GSX2: variants seen among roughly 807,000 people sequenced by gnomAD.
GSX2 encodes the protein genetic-screened homeobox 2.
A neutral mutation model predicts 19.2 loss-of-function variants in GSX2; 16 were observed. That is an observed-to-expected ratio of 0.84 (90% CI 0.57 to 1.27). GSX2 has a LOEUF of 1.27. GSX2 is among the 50% of genes most tolerant of loss of function. GSX2 has a pLI of 0.00. For synonymous variants in GSX2, 217 were observed against 196.4 expected (o/e 1.10, Z -0.88); for missense variants, 448 against 428.4 (o/e 1.05, Z -0.40).
In GSX2 at chr4:54,100,925, C is replaced by A. The variant is rs1718162394; in HGVS notation, c.574+7C>A. On this transcript the variant is annotated splice_region_variant and intron_variant, in intron 1 of 1. Transcript: ENST00000326902. Reference sequence around the variant, plus strand: ...TTCCACTGCCTCACCATGGGTAGGGCGGGGTCTTGGGGCACCTGCGCTCCG... The same window carrying A: ...TTCCACTGCCTCACCATGGGTAGGGAGGGGTCTTGGGGCACCTGCGCTCCG... The A allele has an allele frequency of 1.6e-5, 25 of 1,554,116 alleles. No homozygotes were observed. The highest frequency in any genetic ancestry group is 2.1e-5 in the Non-Finnish European group (24 of 1,157,612).
chr4:54,100,290 G>C lies in GSX2; in HGVS notation c.-55G>C, dbSNP rs1718134001. ...TCCCAGGGCAGAGCTTAGAACACTAGAGGAGAGGGGTCGCCGCGAACTGCC... is the reference window on the plus strand; with the variant it reads ...TCCCAGGGCAGAGCTTAGAACACTACAGGAGAGGGGTCGCCGCGAACTGCC... On this transcript the variant is annotated 5_prime_UTR_variant, in exon 1 of 2. Transcript: ENST00000326902. 1 of 1,598,946 alleles carries C rather than the reference G, an allele frequency of 6.3e-7. No homozygotes were observed. Among genetic ancestry groups the C allele is most frequent in the Non-Finnish European group, 8.5e-7 (1 of 1,176,240 alleles).
Position 54,100,529 on chromosome 4 carries a change from C to T in GSX2, c.185C>T (p.Pro62Leu). The change falls in exon 1 of 2, where the codon CCT becomes CTT. Residue 62 changes from proline (P) to leucine (L), a missense_variant. Coordinates refer to ENST00000326902, the MANE Select transcript of GSX2 (RefSeq NM_133267.3). ...SRKSGAFCVC[P>L]LCVTSHLHSS... ...AAGAGCGGCGCGTTCTGCGTGTGCC[C>T]TCTCTGCGTCACTTCGCACCTGCAC... is the stretch of plus-strand genomic sequence containing the variant. 6.2e-7 allele frequency: 1 copy of T among 1,612,192 alleles called. No homozygotes were observed. The highest frequency in any genetic ancestry group is 8.5e-7 in the Non-Finnish European group (1 of 1,179,582).
chr4:54,100,770 G>GC lies in GSX2; in HGVS notation c.427dup (p.Gln143ProfsTer53). 6.6e-7 allele frequency: 1 copy of GC among 1,506,732 alleles called. No homozygotes were observed. The highest frequency in any genetic ancestry group is 8.8e-7 in the Non-Finnish European group (1 of 1,131,810). 93.3% of individuals were successfully genotyped at this position (1,506,732 alleles called of 1,614,324 possible). A position where few individuals can be genotyped will look rare whatever the true frequency, so the allele number is the denominator to read the frequency against. ...ACCACCATCACCATCATCAGCCCCA[G>GC]CAGCCTGGCTCGGCCGCGGCGGCGG... On this transcript the variant is annotated frameshift_variant, in exon 1 of 2. Transcript: ENST00000326902. LOFTEE classifies it high-confidence loss of function.
chr4:54,101,309 T>C lies in GSX2; in HGVS notation c.575-273T>C, dbSNP rs1429728985. Among the ~76,000 whole-genome samples, 1 of 152,218 alleles carries C rather than the reference T, an allele frequency of 6.6e-6. No homozygotes were observed. Among genetic ancestry groups the C allele is most frequent in the African/African-American group, 2.4e-5 (1 of 41,460 alleles). On this transcript the variant is annotated intron_variant, in intron 1 of 1. Transcript: ENST00000326902. This position sits in a 1 kb window ranked among gnomAD's most constrained non-coding sequence, Gnocchi z 5.0. The stretch of plus-strand genomic sequence containing the variant: ...GTTTTTGGCTAAGCCTGCGCGCTTC[T>C]CCGCTTGGCTCAAAGGGAGGCGATC...
At position 54,100,879 on chromosome 4, in the gene GSX2, A is replaced by G; in HGVS notation, c.535A>G (p.Asn179Asp). Residue 179 changes from asparagine to aspartate, a missense_variant, in exon 1 of 2, where the codon AAC (asparagine) becomes GAC (aspartate). Physicochemically the swap from Asn to Asp is conservative, Grantham distance 23 (BLOSUM62 1). Transcript: ENST00000326902. ...ACCTGTCTGCACCGCCACCACCTAC[A>G]ACGTGGCGGACCCGCGGAGATTCCA... ...HAPVCTATTY[N>D]VADPRRFHCL... The G allele has an allele frequency of 6.4e-7, 1 of 1,573,390 alleles. No homozygotes were observed. Among genetic ancestry groups the G allele is most frequent in the Non-Finnish European group, 8.6e-7 (1 of 1,167,028 alleles).
chr4:54,100,975 C>G, intron 1 of GSX2, 57 bp downstream of exon 1: 1 of 1,452,162 alleles, frequency 6.9e-7, no homozygotes, highest in Non-Finnish European at 9.2e-7. Flanking sequence ...CTGGAGCAAA[C>G]TTTCCACCTC....
chr4:54,100,277 G>T lies in GSX2; in HGVS notation c.-68G>T. 1.3e-6 allele frequency: 2 copies of T among 1,587,850 alleles called. No individual in the cohort carries two copies. The highest frequency in any genetic ancestry group is 1.3e-5 in the African/African-American group (1 of 74,652). ...GTGTCTGCGCGGCTCCCAGGGCAGA[G>T]CTTAGAACACTAGAGGAGAGGGGTC... is the stretch of plus-strand genomic sequence containing the variant. On this transcript the variant is annotated 5_prime_UTR_variant, in exon 1 of 2. Transcript: ENST00000326902.
rs1718158891 is a variant in GSX2 at position 54,100,809 on chromosome 4, G to GGCGGCGGCGGCC, written c.474_485dup (p.Ala159_Ala162dup). 3.5e-6 allele frequency: 5 copies of GGCGGCGGCGGCC among 1,443,898 alleles called. No individual in the cohort carries two copies. The African/African-American group carries it at 7.5e-5, about 22-fold the overall frequency. The allele number at this position is 1,443,898 out of a possible 1,614,324, so 89.4% of individuals were successfully genotyped here. ...CCGCGGCGGCGGCAGCAGCAGCAGC[G>GGCGGCGGCGGCC]GCGGCGGCGGCCGCGGCGGCCTTGG... On this transcript the variant is annotated inframe_insertion, in exon 1 of 2. Transcript: ENST00000326902.
chr4:54,100,315 CG>C lies in GSX2; in HGVS notation c.-26del, dbSNP rs548038657. 404 of 1,609,588 alleles carry C rather than the reference CG, an allele frequency of 2.5e-4. No individual in the cohort carries two copies. The African/African-American group carries it at 4.9e-3, about 20-fold the overall frequency. ...GAGGAGAGGGGTCGCCGCGAACTGC[CG>C]GGGCTTCCAGCCACCCACCCCTCTC... On this transcript the variant is annotated 5_prime_UTR_variant, in exon 1 of 2. Transcript: ENST00000326902.
chr4:54,100,806 AGCGGCGGCG>A lies in GSX2; in HGVS notation c.468_476del (p.Ala160_Ala162del), dbSNP rs751324689. 2.8e-6 allele frequency: 4 copies of A among 1,453,126 alleles called. 1 individual carries two copies. The South Asian group carries it at 5.7e-5, about 21-fold the overall frequency. 90.0% of individuals were successfully genotyped at this position (1,453,126 alleles called of 1,614,324 possible). ...CGGCCGCGGCGGCGGCAGCAGCAGC[AGCGGCGGCG>A]GCGGCCGCGGCGGCCTTGGGGCACC... On this transcript the variant is annotated inframe_deletion, in exon 1 of 2. Transcript: ENST00000326902.
Position 54,100,778 on chromosome 4 carries a change from G to C in GSX2, c.434G>C (p.Gly145Ala). Residue 145 changes from glycine to alanine, a missense_variant, in exon 1 of 2, where the codon GGC (glycine) becomes GCC (alanine). Coordinates refer to ENST00000326902, the MANE Select transcript of GSX2 (RefSeq NM_133267.3). ...HHHHHQPQQPGSAAAAAAAAA... is the reference protein window; with the variant it reads ...HHHHHQPQQPASAAAAAAAAA... ...CACCATCATCAGCCCCAGCAGCCTG[G>C]CTCGGCCGCGGCGGCGGCAGCAGCA... 1.4e-6 allele frequency: 2 copies of C among 1,477,424 alleles called. No individual in the cohort carries two copies. The highest frequency in any genetic ancestry group is 1.8e-6 in the Non-Finnish European group (2 of 1,121,092). 91.5% of individuals were successfully genotyped at this position (1,477,424 alleles called of 1,614,324 possible).
Sources: gnomAD v4.1 joint callset for allele counts (sites outside exome capture counted in the v4.1 genomes callset) on GRCh38, gnomAD v4.1.1 for gene constraint, Gnocchi (gnomAD v3.1) non-coding constraint, MANE v1.5 for transcripts, NCBI Gene and HGNC (gene_info 2026-07-23, HGNC 2026-07-21) for gene names.